The following TRPM1 variants were observed in gnomAD, a reference collection of about 807,000 sequenced individuals.
TRPM1 encodes transient receptor potential cation channel subfamily M member 1.
A neutral mutation model predicts 149.4 loss-of-function variants in TRPM1; 113 were observed. That is an observed-to-expected ratio of 0.76 (90% CI 0.65 to 0.88). The LOEUF (loss-of-function observed/expected upper bound fraction) is 0.88. Among genes scored for constraint, TRPM1 ranks in the 40% least tolerant of loss-of-function variants. The pLI, the probability that TRPM1 is intolerant of heterozygous loss-of-function variation, is 0.00. For missense variants in TRPM1, 1,976 were observed against 2,038.7 expected (o/e 0.97, Z 0.59); for synonymous variants, 741 against 759.5 (o/e 0.98, Z 0.40).
intron 1 of TRPM1, among the ~76,000 whole-genome samples, chr15:31,147,313 C>T (rs1245833148): frequency 3.3e-5 from 5 of 152,168 alleles, no homozygotes; most frequent in African/African-American, 9.7e-5. Flanking sequence ...AACAAAGAAC[C>T]GTTCTGAATT....
intron 11 of TRPM1, among the ~76,000 whole-genome samples, chr15:31,053,888 A>T (rs2034013997): frequency 6.6e-6 from 1 of 152,212 alleles, no homozygotes; most frequent in Admixed American, 6.5e-5. Context: ...CATATAATGG[A>T]ATATTATTCA....
chr15:31,126,174 TAAAC>T (rs896537513), intron 1 of TRPM1, among the ~76,000 whole-genome samples: 3 of 151,708 alleles, frequency 2.0e-5, no homozygotes, highest in Non-Finnish European at 2.9e-5. Flanking sequence ...CAAAACAAAA[TAAAC>T]AGAGTAAAAA....
At chr15:31,078,367 T>C (rs1470213802) in intron 2 of TRPM1, among the ~76,000 whole-genome samples, 1 of 152,124 alleles carries the variant, frequency 6.6e-6, no homozygotes, top group East Asian at 1.9e-4. Flanking sequence ...CCAGCCCTAG[T>C]CCCAGCTGTG....
At chr15:31,109,345 A>G (rs1271172403) in intron 1 of TRPM1, among the ~76,000 whole-genome samples, 104 of 147,344 alleles carry the variant, frequency 7.1e-4, no homozygotes, top group Non-Finnish European at 1.1e-3. Flanking sequence ...AAAAAAAAAA[A>G]AAAAAAAAAA....
chr15:31,154,983 A>C (rs2036348899), intron 1 of TRPM1, among the ~76,000 whole-genome samples: 1 of 152,164 alleles, frequency 6.6e-6, no homozygotes, highest in African/African-American at 2.4e-5. Flanking sequence ...AGGGAGATTG[A>C]TTTGAGTAAT....
intron 1 of TRPM1, 145 bp from the exon 2 acceptor site, chr15:31,081,583 C>A: frequency 1.6e-6 from 1 of 619,444 alleles, no homozygotes; most frequent in Admixed American, 2.8e-5. Flanking sequence ...TCCCCATCTA[C>A]CCCAACCCCT....
At chr15:31,095,938 T>G (rs2035368581) in intron 1 of TRPM1, among the ~76,000 whole-genome samples, 1 of 151,490 alleles carries the variant, frequency 6.6e-6, no homozygotes, top group Admixed American at 6.6e-5. Flanking sequence ...CCCAACTATT[T>G]GGGAGGCTGA....
chr15:31,089,026 C>T (rs1031127265), intron 1 of TRPM1, among the ~76,000 whole-genome samples: 1 of 152,118 alleles, frequency 6.6e-6, no homozygotes, highest in African/African-American at 2.4e-5. Context: ...GTGAGGCACT[C>T]AAATGGGGGT....
At chr15:31,093,791 T>C (rs1418925048) in intron 1 of TRPM1, among the ~76,000 whole-genome samples, 4 of 151,956 alleles carry the variant, frequency 2.6e-5, no homozygotes, top group African/African-American at 7.3e-5. Flanking sequence ...TTAGTAGAGA[T>C]AGGGTTTCAC....
intron 1 of TRPM1, among the ~76,000 whole-genome samples, chr15:31,098,182 TC>T (rs1292492504): frequency 6.6e-6 from 1 of 152,178 alleles, no homozygotes; most frequent in Admixed American, 6.5e-5. Flanking sequence ...ACGCCTGTAA[TC>T]CCAGCCCAGC....
chr15:31,113,197 G>T (rs746432613), intron 1 of TRPM1, among the ~76,000 whole-genome samples: 1 of 152,164 alleles, frequency 6.6e-6, no homozygotes, highest in Non-Finnish European at 1.5e-5. Flanking sequence ...TCCAGCTGGT[G>T]AATGGTAACT....
intron 16 of TRPM1, among the ~76,000 whole-genome samples, chr15:31,043,249 A>T (rs1357810488): frequency 6.6e-6 from 1 of 152,198 alleles, no homozygotes; most frequent in Non-Finnish European, 1.5e-5. Context: ...GCTGGAGTGC[A>T]GTGGCACCAT....
At position 31,049,161 on chromosome 15, in the gene TRPM1, T is replaced by C. The variant is rs7173280; in HGVS notation, c.1572+214A>G. 0.7 allele frequency among the ~76,000 whole-genome samples: 105,739 copies of C among 152,006 alleles called. 36,981 individuals are homozygous for C. The highest frequency in any genetic ancestry group is 0.95 in the East Asian group (4,916 of 5,160). On this transcript the variant is annotated intron_variant, in intron 13 of 27. Transcript: ENST00000256552. Reference sequence around the variant, plus strand: ...ATGCGGGACAAGAGTTAATACTGCCTGAGAAAGGAGTGACTGGCGAGGCAT... The same window carrying C: ...ATGCGGGACAAGAGTTAATACTGCCCGAGAAAGGAGTGACTGGCGAGGCAT...
intron 18 of TRPM1, among the ~76,000 whole-genome samples, 184 bp downstream of exon 18, chr15:31,039,934 G>C (rs1034134356): frequency 6.6e-6 from 1 of 152,140 alleles, no homozygotes; most frequent in African/African-American, 2.4e-5. Context: ...TAAGATCCTA[G>C]GCATGTCACT....
intron 3 of TRPM1, among the ~76,000 whole-genome samples, chr15:31,074,522 G>T (rs1396349479): frequency 1.3e-5 from 2 of 151,970 alleles, no homozygotes; most frequent in Non-Finnish European, 2.9e-5. Flanking sequence ...CTATAAGGTT[G>T]GTAGTAATGT....
intron 27 of TRPM1, among the ~76,000 whole-genome samples, chr15:31,006,292 C>T (rs1341795545): frequency 6.6e-6 from 1 of 152,202 alleles, no homozygotes; most frequent in East Asian, 1.9e-4. Flanking sequence ...ATTCTCCTGC[C>T]TCAGCCTCCC....
intron 12 of TRPM1, among the ~76,000 whole-genome samples, chr15:31,050,071 T>C (rs541095346): frequency 6.6e-6 from 1 of 152,314 alleles, no homozygotes; most frequent in African/African-American, 2.4e-5. Flanking sequence ...ATGAATTGCA[T>C]TTATTTGGTG....
At chr15:31,140,515 G>A (rs957909188) in intron 1 of TRPM1, among the ~76,000 whole-genome samples, 7 of 152,228 alleles carry the variant, frequency 4.6e-5, no homozygotes, top group Non-Finnish European at 1.0e-4. Context: ...TAATGAGTGA[G>A]TTCTTGCTTA....
rs1036418276 is a variant in TRPM1, at chr15:31,160,921, T to G, written c.39A>C (p.Thr13=). Residue 13 remains threonine (T), a synonymous_variant, in exon 1 of 27, where the codon ACA becomes ACC. Coordinates refer to the TRPM1 transcript ENST00000542188. ...GCTCACTCACCTTCTGCGACCCTGATGTGGAGCTCTTGAGCGAGCCCCGCT... is the reference window on the plus strand; with the variant it reads ...GCTCACTCACCTTCTGCGACCCTGAGGTGGAGCTCTTGAGCGAGCCCCGCT... The G allele has an allele frequency of 2.0e-6, 3 of 1,535,530 alleles. No homozygotes were observed. In the South Asian group the frequency reaches 3.6e-5, roughly 18 times the overall value.
Sources: gnomAD v4.1 joint callset for allele counts (sites outside exome capture counted in the v4.1 genomes callset) on GRCh38, gnomAD v4.1.1 for gene constraint, MANE v1.5 for transcripts, NCBI Gene and HGNC (gene_info 2026-07-23, HGNC 2026-07-21) for gene names.